Variants in TNNI3K observed in about 807,000 individuals in gnomAD.
The protein encoded by TNNI3K is serine/threonine-protein kinase TNNI3K.
A neutral mutation model predicts 114.5 loss-of-function variants in TNNI3K; 140 were observed. The observed-to-expected ratio is 1.22, with a 90% CI of 1.07 to 1.41. TNNI3K has a LOEUF of 1.41. TNNI3K is among the 40% of genes most tolerant of loss of function. The pLI is 0.00. For synonymous variants in TNNI3K, 347 were observed against 347.5 expected (o/e 1.00, Z 0.02); for missense variants, 1,125 against 1,007.6 (o/e 1.12, Z -1.58).
At chr1:74,428,317 A>G (rs1490559901) in intron 17 of TNNI3K, among the ~76,000 whole-genome samples, 3 of 152,208 alleles carry the variant, frequency 2.0e-5, no homozygotes, top group Admixed American at 2.0e-4. Flanking sequence ...CTTCACCTGC[A>G]TACCTCCTCT....
At chr1:74,276,166 C>T (rs1333297077) in intron 5 of TNNI3K, among the ~76,000 whole-genome samples, 1 of 151,936 alleles carries the variant, frequency 6.6e-6, no homozygotes, top group East Asian at 1.9e-4. Flanking sequence ...CTGATGACAT[C>T]CAAATTTTCA....
intron 23 of TNNI3K, among the ~76,000 whole-genome samples, chr1:74,529,439 C>G (rs1308129700): frequency 6.6e-6 from 1 of 152,114 alleles, no homozygotes; most frequent in African/African-American, 2.4e-5. Flanking sequence ...TTAGGAAATT[C>G]AAGTAGAGAT....
intron 5 of TNNI3K, among the ~76,000 whole-genome samples, chr1:74,279,108 C>T (rs920270279): frequency 1.3e-5 from 2 of 152,136 alleles, no homozygotes; most frequent in African/African-American, 4.8e-5. Context: ...CACTTCTAGT[C>T]ACAAAAATGT....
At chr1:74,261,257 C>T (rs539849310) in intron 4 of TNNI3K, among the ~76,000 whole-genome samples, 82 of 151,788 alleles carry the variant, frequency 5.4e-4, no homozygotes, top group South Asian at 5.0e-3. Context: ...CAGCACATCC[C>T]CAATAACTAA....
Position 74,461,120 on chromosome 1 carries a change from G to T in TNNI3K, c.2012-2321G>T, listed in dbSNP as rs556347643. On this transcript the variant is annotated intron_variant, in intron 20 of 24. Transcript: ENST00000326637. ...ATAAGGTAACAAAGTGGAGTTAGAA[G>T]ATCAGTGATTGCTGAGCACCAGTTT... Among the ~76,000 whole-genome samples, 4 of 152,264 alleles carry T rather than the reference G, an allele frequency of 2.6e-5. No individual in the cohort carries two copies. The South Asian group carries it at 8.3e-4, about 32-fold the overall frequency.
rs1475464696 is a variant in TNNI3K at position 74,492,177 on chromosome 1, A to G, written c.2262A>G (p.Gly754=). The G allele has an allele frequency of 6.2e-7, 1 of 1,613,054 alleles. No homozygotes were observed. Among genetic ancestry groups the G allele is most frequent in the Non-Finnish European group, 8.5e-7 (1 of 1,179,390 alleles). The part of the protein sequence containing the change: ...SSSDCLVNRG[G]PGRSHVAALR... ...CTGATTGCCTGGTGAACCGGGGAGG[A>G]CCTGGCCGGAGTCATGTGGCAGCAT... Residue 754 remains glycine, a synonymous_variant, in exon 23 of 25, where the codon GGA becomes GGG. Coordinates refer to ENST00000326637, the MANE Select transcript of TNNI3K (RefSeq NM_015978.3).
chr1:74,459,978 A>G (rs1307332778), intron 20 of TNNI3K, among the ~76,000 whole-genome samples: 1 of 152,212 alleles, frequency 6.6e-6, no homozygotes, highest in Non-Finnish European at 1.5e-5. Context: ...TTAAATTTAT[A>G]TTAAATAAAA....
intron 17 of TNNI3K, among the ~76,000 whole-genome samples, chr1:74,432,322 T>C (rs1210744844): frequency 6.6e-6 from 1 of 152,114 alleles, no homozygotes; most frequent in Non-Finnish European, 1.5e-5. Context: ...TGCTCTGCAA[T>C]ATCATATATA....
At chr1:74,459,016 T>C (rs940305954) in intron 20 of TNNI3K, among the ~76,000 whole-genome samples, 2 of 152,150 alleles carry the variant, frequency 1.3e-5, no homozygotes, top group African/African-American at 4.8e-5. Context: ...GTTATTTGGT[T>C]TTCTGGTCCT....
chr1:74,253,410 C>G (rs1299897093), intron 4 of TNNI3K, among the ~76,000 whole-genome samples: 4 of 152,104 alleles, frequency 2.6e-5, no homozygotes, highest in African/African-American at 7.2e-5. Flanking sequence ...TGGGTAAGCT[C>G]GGCCATGCAA....
intron 21 of TNNI3K, among the ~76,000 whole-genome samples, chr1:74,478,760 G>A (rs1469451585): frequency 6.6e-6 from 1 of 152,170 alleles, no homozygotes; most frequent in Non-Finnish European, 1.5e-5. Flanking sequence ...GTGCATCTGT[G>A]TGTTTTTATT....
intron 11 of TNNI3K, among the ~76,000 whole-genome samples, chr1:74,355,335 G>C (rs2100484296): frequency 6.6e-6 from 1 of 152,284 alleles, no homozygotes; most frequent in South Asian, 2.1e-4. Flanking sequence ...GCCAGGCGCG[G>C]TGGCTCATGC....
At chr1:74,406,448 C>A (rs1287485868) in intron 17 of TNNI3K, among the ~76,000 whole-genome samples, 3 of 152,166 alleles carry the variant, frequency 2.0e-5, no homozygotes, top group African/African-American at 7.2e-5. Flanking sequence ...CTAGAGGTTG[C>A]AATCCTTGCA....
At chr1:74,409,944 A>G (rs1664805829) in intron 17 of TNNI3K, among the ~76,000 whole-genome samples, 1 of 152,168 alleles carries the variant, frequency 6.6e-6, no homozygotes. Context: ...CAAGATTCCA[A>G]CTGATTCAGT....
chr1:74,506,151 G>A (rs1228521650), intron 23 of TNNI3K, among the ~76,000 whole-genome samples: 1 of 152,120 alleles, frequency 6.6e-6, no homozygotes, highest in Admixed American at 6.5e-5. Context: ...CCTGGCCAAA[G>A]GATAAAAAGA....
intron 17 of TNNI3K, among the ~76,000 whole-genome samples, chr1:74,415,747 T>TC (rs5775238): frequency 0.092 from 13,905 of 151,546 alleles, 1,320 homozygotes; most frequent in African/African-American, 0.23. Context: ...GTTTTTTTTT[T>TC]CCCCAGTGAT....
chr1:74,515,715 A>G (rs1437327226), intron 23 of TNNI3K, among the ~76,000 whole-genome samples: 2 of 152,212 alleles, frequency 1.3e-5, no homozygotes, highest in East Asian at 3.8e-4. Flanking sequence ...ACACTGATGG[A>G]AATAACTAAA....
chr1:74,503,346 T>C (rs1282767826), intron 23 of TNNI3K, among the ~76,000 whole-genome samples: 1 of 152,258 alleles, frequency 6.6e-6, no homozygotes, highest in Non-Finnish European at 1.5e-5. Context: ...TTCTAACTTA[T>C]ATTTTACTTA....
intron 5 of TNNI3K, among the ~76,000 whole-genome samples, chr1:74,283,296 G>A (rs892380330): frequency 2.6e-5 from 4 of 152,102 alleles, no homozygotes; most frequent in African/African-American, 9.7e-5. Context: ...AGGTGAAAAA[G>A]CAATCTACTA....
Sources: gnomAD v4.1 joint callset for allele counts (sites outside exome capture counted in the v4.1 genomes callset) on GRCh38, gnomAD v4.1.1 for gene constraint, MANE v1.5 for transcripts, NCBI Gene and HGNC (gene_info 2026-07-23, HGNC 2026-07-21) for gene names.